TMEM130: variants seen among roughly 807,000 people sequenced by gnomAD.
The protein encoded by TMEM130 is transmembrane protein 130.
In TMEM130, 37 loss-of-function variants were observed where a neutral mutation model predicts 42.9. That is an observed-to-expected ratio of 0.86 (90% confidence interval 0.66 to 1.13). The LOEUF (loss-of-function observed/expected upper bound fraction) is 1.13, where lower values mean the gene tolerates loss of function less well. Among genes scored for constraint, TMEM130 ranks in the 50% most tolerant of loss-of-function variants. The probability of loss-of-function intolerance (pLI) is 0.00; values close to 1 mark genes in which losing one functional copy is unlikely to be tolerated. For synonymous variants in TMEM130, 259 were observed against 237.7 expected, an observed-to-expected ratio of 1.09 and a Z score of -0.82; for missense variants, 545 against 562.6, an observed-to-expected ratio of 0.97 and a Z score of 0.32.
At chr7:98,866,720 C>T (rs577922840) in intron 1 of TMEM130, 9 of 152,366 alleles carry the variant, frequency 5.9e-5, no homozygotes, top group East Asian at 1.9e-4. Flanking sequence ...CCAGCTCCGA[C>T]CTTTCCTCAG....
At position 98,863,294 on chromosome 7, in the gene TMEM130, G is replaced by T. The variant is rs782103844; in HGVS notation, c.192C>A (p.Pro64=). The change falls in exon 2 of 8, where the codon CCC becomes CCA. Residue 64 remains proline, a synonymous_variant. Transcript: ENST00000339375. ...GGAAGCGGTAGAGGTGGGCGTCAGC[G>T]GGCAGGGCCAGGCTGCCGTTGTCCT... is the stretch of plus-strand genomic sequence containing the variant. ...VAKDNGSLAL[P]ADAHLYRFHW... 6.2e-7 allele frequency: 1 copy of T among 1,613,462 alleles called. No homozygotes were observed. The highest frequency in any genetic ancestry group is 2.2e-5 in the East Asian group (1 of 44,876).
rs150409596 is a variant in TMEM130, at chr7:98,848,077, A to G, written c.1251T>C (p.Ser417=). 1.5e-5 allele frequency: 25 copies of G among 1,613,930 alleles called. No homozygotes were observed. The African/African-American group carries it at 2.8e-4, about 18-fold the overall frequency. ...GTGCTCACACGGTGTAAGTTTTGAC[A>G]GACTTATAGAGGGGCGGGAGCAGCC... The part of the protein sequence containing the change: ...NHGLLPPLYK[S]VKTYTV The change falls in exon 8 of 8, where the codon TCT becomes TCC. Residue 417 remains serine (S), a synonymous_variant. Transcript: ENST00000339375.
rs782241838 is a variant in TMEM130 at position 98,847,532 on chromosome 7, GTGTGTGTGT to G, written c.*515_*523del. ...TGTGTGTGTGTGTGTGTGTGTGTGTGTGTGTGTGTGGTGTGTGTACATGCACACTTCTCT... is the reference window on the plus strand; with the variant it reads ...TGTGTGTGTGTGTGTGTGTGTGTGTGGGTGTGTGTACATGCACACTTCTCT... On this transcript the variant is annotated 3_prime_UTR_variant, in exon 8 of 8. Transcript: ENST00000339375. 1 of 117,122 alleles carries G rather than the reference GTGTGTGTGT, an allele frequency of 8.5e-6. No homozygotes were observed. Among genetic ancestry groups the G allele is most frequent in the Non-Finnish European group, 1.9e-5 (1 of 52,410 alleles). 7.3% of individuals were successfully genotyped at this position (117,122 alleles called of 1,614,324 possible). A position where few individuals can be genotyped will look rare whatever the true frequency, so the allele number is the denominator to read the frequency against.
In TMEM130 at chr7:98,848,168, A is replaced by T; in HGVS notation, c.1160T>A (p.Met387Lys). The T allele has an allele frequency of 6.2e-7, 1 of 1,614,112 alleles. No individual in the cohort carries two copies. The highest frequency in any genetic ancestry group is 8.5e-7 in the Non-Finnish European group (1 of 1,180,008). Residue 387 changes from methionine to lysine, a missense_variant, in exon 8 of 8, where the codon ATG (methionine) becomes AAG (lysine). Met to Lys is a moderately conservative substitution (Grantham distance 95). Transcript: ENST00000339375. ...CTCCAGCAAGAAAGGCCCACAGCAC[A>T]TCTGGCAGCAGCACCTGACCCCAGA... is the stretch of plus-strand genomic sequence containing the variant. ...PPSGVRCCCQ[M>K]CCGPFLLETP...
chr7:98,855,305 T>G lies in TMEM130; in HGVS notation c.738A>C (p.Gln246His). ...TCTGAATTAGGGTGGGCCCCAACAC[T>G]TGGATGCCTCGAAGGGTTTCTGTAA... ...LKLQETLRGI[Q>H]VLGPTLIQTF... is the part of the protein sequence containing the mutation. Residue 246 changes from glutamine (Q) to histidine (H), a missense_variant, in exon 5 of 8, where the codon CAA becomes CAC. By Grantham distance (24) the Gln-to-His change is conservative. Coordinates refer to ENST00000339375, the MANE Select transcript of TMEM130 (RefSeq NM_152913.3). 1 of 1,613,176 alleles carries G rather than the reference T, an allele frequency of 6.2e-7. No individual in the cohort carries two copies. Among genetic ancestry groups the G allele is most frequent in the Non-Finnish European group, 8.5e-7 (1 of 1,179,516 alleles).
chr7:98,861,452 C>A (rs1794769127), intron 2 of TMEM130, among the ~76,000 whole-genome samples: 1 of 152,214 alleles, frequency 6.6e-6, no homozygotes, highest in African/African-American at 2.4e-5. Flanking sequence ...CGGTGGCTCA[C>A]ACCTGTAATC....
At chr7:98,854,966 G>T (rs145067685) in intron 5 of TMEM130, among the ~76,000 whole-genome samples, 4,177 of 152,310 alleles carry the variant, frequency 0.027, 85 homozygotes, top group South Asian at 0.054. Context: ...AACCAGGGAG[G>T]CAGAGGTCGC....
In TMEM130 at chr7:98,851,516, G is replaced by C. The variant is rs1554398223; in HGVS notation, c.911C>G (p.Thr304Ser). 6.2e-7 allele frequency: 1 copy of C among 1,614,146 alleles called. No homozygotes were observed. The highest frequency in any genetic ancestry group is 1.7e-5 in the Admixed American group (1 of 60,006). Residue 304 changes from threonine to serine, a missense_variant, in exon 6 of 8, where the codon ACC (threonine) becomes AGC (serine). By Grantham distance (58) the Thr-to-Ser change is moderately conservative (BLOSUM62 1). Coordinates refer to ENST00000339375, the MANE Select transcript of TMEM130 (RefSeq NM_152913.3). Reference sequence around the variant, plus strand: ...GCAGTAGTCCCCAGGGTCCCTGAAGGTGTGGGTCAGGTTGTACGCTGTGCT... The same window carrying C: ...GCAGTAGTCCCCAGGGTCCCTGAAGCTGTGGGTCAGGTTGTACGCTGTGCT... ...VASTAYNLTH[T>S]FRDPGDYCFS...
At position 98,855,230 on chromosome 7, in the gene TMEM130, G is replaced by T. The variant is rs1554398770; in HGVS notation, c.803+10C>A. 1 of 1,612,022 alleles carries T rather than the reference G, an allele frequency of 6.2e-7. No homozygotes were observed. ...CGGGGCACCCCCAGTGCGCTCTGGA[G>T]CTCACTTACCTCCCCAGGAAGTTCA... is the stretch of plus-strand genomic sequence containing the variant. On this transcript the variant is annotated intron_variant, in intron 5 of 7. Transcript: ENST00000339375.
intron 4 of TMEM130, 29 bp from the exon 5 acceptor site, chr7:98,855,353 C>G (rs781966191): frequency 6.3e-7 from 1 of 1,595,194 alleles, no homozygotes; most frequent in Admixed American, 1.7e-5. Flanking sequence ...CCCGTTAGAC[C>G]TGGTGGCTAA....
Position 98,869,172 on chromosome 7 carries a change from C to T in TMEM130, c.85+605G>A, listed in dbSNP as rs1379311412. The T allele has an allele frequency of 3.0e-5, 39 of 1,282,942 alleles. No homozygotes were observed. Among genetic ancestry groups the T allele is most frequent in the Non-Finnish European group, 3.9e-5 (38 of 986,166 alleles). The allele number at this position is 1,282,942 out of a possible 1,614,324, so 79.5% of individuals were successfully genotyped here. A position where few individuals can be genotyped will look rare whatever the true frequency, so the allele number is the denominator to read the frequency against. On this transcript the variant is annotated intron_variant, in intron 1 of 7. Coordinates refer to ENST00000339375, the MANE Select transcript of TMEM130 (RefSeq NM_152913.3). The surrounding 1 kb of genome is among the most constrained non-coding windows in gnomAD (Gnocchi z 4.7). ...AAGTGGGGGCAGTAGACACACAACCCTGCTTCCCCCACTCCCCCACCCACA... is the reference window on the plus strand; with the variant it reads ...AAGTGGGGGCAGTAGACACACAACCTTGCTTCCCCCACTCCCCCACCCACA...
At chr7:98,861,062 C>T (rs186974726) in intron 2 of TMEM130, among the ~76,000 whole-genome samples, 76 of 152,014 alleles carry the variant, frequency 5.0e-4, no homozygotes, top group Non-Finnish European at 8.2e-4. Context: ...TGACCAGGCA[C>T]GGTGGCTCAC....
chr7:98,851,362 G>A (rs1266026286), intron 6 of TMEM130, 59 bp downstream of exon 6: 1 of 1,552,508 alleles, frequency 6.4e-7, no homozygotes, highest in Non-Finnish European at 8.9e-7. Context: ...GGTGGTGGCA[G>A]GATGGACAGG....
rs1167536586 is a variant in TMEM130, at chr7:98,856,197, G to A, written c.552-14C>T. ...ACCATCTGGGTCCTGTTAGGAGACA[G>A]GGAGGAGAGAGGAGGAAGACAGCAG... On this transcript the variant is annotated splice_polypyrimidine_tract_variant and intron_variant, in intron 3 of 7. Transcript: ENST00000339375. 3 of 1,611,874 alleles carry A rather than the reference G, an allele frequency of 1.9e-6. No homozygotes were observed. Among genetic ancestry groups the A allele is most frequent in the Admixed American group, 1.7e-5 (1 of 59,952 alleles).
intron 3 of TMEM130, among the ~76,000 whole-genome samples, chr7:98,859,896 AT>A (rs782096475): frequency 1.5e-4 from 23 of 151,824 alleles, no homozygotes; most frequent in Non-Finnish European, 2.8e-4. Context: ...ACTAAAAAAA[AT>A]AAAAATAAAA....
chr7:98,867,653 G>A (rs1215866491), intron 1 of TMEM130, among the ~76,000 whole-genome samples: 1 of 152,182 alleles, frequency 6.6e-6, no homozygotes, highest in Admixed American at 6.5e-5. Context: ...GAGGGGGGAT[G>A]GGGGGCAGGG....
intron 2 of TMEM130, among the ~76,000 whole-genome samples, chr7:98,862,280 CAA>C (rs1562910865): frequency 7.3e-6 from 1 of 136,176 alleles, no homozygotes; most frequent in African/African-American, 2.5e-5. Flanking sequence ...GAGACAGAGA[CAA>C]AGAGACAGAG....
intron 5 of TMEM130, among the ~76,000 whole-genome samples, chr7:98,854,508 C>T (rs1794583847): frequency 6.6e-6 from 1 of 152,068 alleles, no homozygotes; most frequent in Non-Finnish European, 1.5e-5. Context: ...GGAGGCCAAG[C>T]TGGGAGGATC....
chr7:98,851,368 A>G (rs1554398184), intron 6 of TMEM130, 53 bp downstream of exon 6: 52 of 1,571,130 alleles, frequency 3.3e-5, no homozygotes. Flanking sequence ...GGCAGGATGG[A>G]CAGGCTTGTG....
Sources: allele counts gnomAD v4.1 joint callset (sites outside exome capture counted in the v4.1 genomes callset), GRCh38; gene constraint gnomAD v4.1.1; non-coding constraint Gnocchi (gnomAD v3.1); transcripts MANE v1.5; gene names NCBI Gene and HGNC (gene_info 2026-07-23, HGNC 2026-07-21).